SLC22A17: variants seen among roughly 807,000 people sequenced by gnomAD.
SLC22A17 encodes the protein 24p3 receptor.
A neutral mutation model predicts 53.6 loss-of-function variants in SLC22A17; 38 were observed. That is an observed-to-expected ratio of 0.71 (90% CI 0.55 to 0.93). The LOEUF is 0.93. Ranked by LOEUF, SLC22A17 falls within the 40% of genes least tolerant of loss-of-function variation. SLC22A17 has a pLI of 0.00. For synonymous variants in SLC22A17, 379 were observed against 353.0 expected (o/e 1.07, Z -0.82); for missense variants, 704 against 791.0 (o/e 0.89, Z 1.32).
chr14:23,347,862 T>G lies in SLC22A17; in HGVS notation c.1277+29A>C, dbSNP rs369755174. The G allele has an allele frequency of 3.2e-5, 52 of 1,613,400 alleles. No homozygotes were observed. Among genetic ancestry groups the G allele is most frequent in the Non-Finnish European group, 4.2e-5 (50 of 1,179,494 alleles). On this transcript the variant is annotated intron_variant, in intron 7 of 9. Coordinates refer to ENST00000397267, the Ensembl canonical transcript of SLC22A17. The surrounding 1 kb of genome is among the most constrained non-coding windows in gnomAD (Gnocchi z 5.1). ...CCAGCCCCCATTCCAGCTACTGGCC[T>G]GGCCCTCAGCCCAGACACCCAGGCT... is the stretch of plus-strand genomic sequence containing the variant.
Position 23,347,174 on chromosome 14 carries a change from C to A in SLC22A17, c.1588G>T (p.Gly530Trp). Residue 530 changes from glycine (G) to tryptophan (W), a missense_variant, in exon 9 of 10, where the codon GGG (glycine) becomes TGG (tryptophan). Physicochemically the swap from Gly to Trp is radical, Grantham distance 184. Around this residue, in one of 4 missense-constraint regions of SLC22A17, gnomAD observed 196 missense variants for 171.5 expected, o/e 1.14. Coordinates refer to ENST00000397267, the Ensembl canonical transcript of SLC22A17. This position sits in a 1 kb window ranked among gnomAD's most constrained non-coding sequence, Gnocchi z 5.1. ...GCGGCAGCTTGGGAGGAGAAGAGCC[C>A]AAGGACAGAGAAAGTGGTGATGGCA... The A allele has an allele frequency of 6.2e-7, 1 of 1,613,908 alleles. No homozygotes were observed. The highest frequency in any genetic ancestry group is 8.5e-7 in the Non-Finnish European group (1 of 1,179,948).
rs2138516019 is a variant in SLC22A17 at position 23,349,433 on chromosome 14, A to G, written c.705-7T>C. ...AATCCCGCGACGGCCAAATCTAGAA[A>G]GTGGGAAGGGCTTCTGGTCACCCAG... On this transcript the variant is annotated splice_region_variant and splice_polypyrimidine_tract_variant and intron_variant, in intron 3 of 9. Transcript: ENST00000397267. 6.2e-7 allele frequency: 1 copy of G among 1,610,040 alleles called. No homozygotes were observed. Among genetic ancestry groups the G allele is most frequent in the South Asian group, 1.1e-5 (1 of 90,742 alleles).
Position 23,348,019 on chromosome 14 carries a change from G to A in SLC22A17, c.1172-23C>T. ...GGTCTTTGGGAGAGAGAGAGGAGCT[G>A]TCAGAAGAAAACCCTGAGATCCCAG... is the stretch of plus-strand genomic sequence containing the variant. On this transcript the variant is annotated intron_variant, in intron 6 of 9. Transcript: ENST00000397267. The surrounding 1 kb of genome is among the most constrained non-coding windows in gnomAD (Gnocchi z 4.5). 1.2e-5 allele frequency: 19 copies of A among 1,613,000 alleles called. No individual in the cohort carries two copies. Among genetic ancestry groups the A allele is most frequent in the Non-Finnish European group, 1.6e-5 (19 of 1,179,148 alleles).
intron 4 of SLC22A17, 84 bp downstream of exon 4, chr14:23,349,188 C>G: frequency 6.4e-7 from 1 of 1,565,860 alleles, no homozygotes; most frequent in East Asian, 2.2e-5. Flanking sequence ...GAAATGTGGC[C>G]TAGGGGGCAG....
In SLC22A17 at chr14:23,347,970, C is replaced by T. The variant is rs1424932484; in HGVS notation, c.1198G>A (p.Ala400Thr). The change falls in exon 7 of 10, where the codon GCA (alanine) becomes ACA (threonine). Residue 400 changes from alanine (A) to threonine (T), a missense_variant. By Grantham distance (58) the Ala-to-Thr change is moderately conservative. Transcript: ENST00000397267. This position sits in a 1 kb window ranked among gnomAD's most constrained non-coding sequence, Gnocchi z 5.1. ...GAAGCAAAGGAAAAGGAGGATGTTG[C>T]AGGGAGAGGGCAGGTATTCTCCAGG... The T allele has an allele frequency of 6.2e-7, 1 of 1,614,124 alleles. No homozygotes were observed. The highest frequency in any genetic ancestry group is 8.5e-7 in the Non-Finnish European group (1 of 1,180,004).
At chr14:23,351,066 A>G (rs1045977231) in intron 3 of SLC22A17, 1 of 152,102 alleles carries the variant, frequency 6.6e-6, no homozygotes, top group African/African-American at 2.4e-5. Flanking sequence ...CTGTGGGAAG[A>G]GTTATTGGTT....
In SLC22A17 at chr14:23,348,916, T is replaced by C. The variant is rs756401253; in HGVS notation, c.860-245A>G. The C allele has an allele frequency of 8.4e-6, 5 of 597,830 alleles. No homozygotes were observed. The highest frequency in any genetic ancestry group is 1.9e-5 in the African/African-American group (1 of 53,816). The allele number at this position is 597,830 out of a possible 1,614,324, so 37.0% of individuals were successfully genotyped here. A position where few individuals can be genotyped will look rare whatever the true frequency, so the allele number is the denominator to read the frequency against. On this transcript the variant is annotated intron_variant, in intron 4 of 9. Coordinates refer to ENST00000397267, the Ensembl canonical transcript of SLC22A17. The surrounding 1 kb of genome is among the most constrained non-coding windows in gnomAD (Gnocchi z 4.5). The stretch of plus-strand genomic sequence containing the variant: ...CAGAGTCCTGGGTGAGTGTTCAACA[T>C]TTCCAATTTATAGGCCCTTTCCCAT...
At position 23,352,550 on chromosome 14, in the gene SLC22A17, G is replaced by C. The variant is rs1889708760; in HGVS notation, c.96+96C>G. 4.7e-6 allele frequency: 2 copies of C among 425,930 alleles called. No individual in the cohort carries two copies. Among genetic ancestry groups the C allele is most frequent in the African/African-American group, 2.1e-5 (1 of 48,738 alleles). The allele number at this position is 425,930 out of a possible 1,614,324, so 26.4% of individuals were successfully genotyped here. ...GGAGGGAGGGCTAGGAAGGCAGTCA[G>C]GGGCGAGGGATGCGCAGGAGGAAAA... is the stretch of plus-strand genomic sequence containing the variant. On this transcript the variant is annotated intron_variant, in intron 1 of 9. Transcript: ENST00000397267. The surrounding 1 kb of genome is among the most constrained non-coding windows in gnomAD (Gnocchi z 7.2).
rs576830410 is a variant in SLC22A17, at chr14:23,352,473, CAGG to C, written c.97-25_97-23del. 445 of 436,142 alleles carry C rather than the reference CAGG, an allele frequency of 1.0e-3. 2 individuals carry two copies. Among genetic ancestry groups the C allele is most frequent in the African/African-American group, 7.1e-3 (346 of 48,902 alleles). The allele number at this position is 436,142 out of a possible 1,614,324, so 27.0% of individuals were successfully genotyped here. On this transcript the variant is annotated intron_variant, in intron 1 of 9. Coordinates refer to ENST00000397267, the Ensembl canonical transcript of SLC22A17. This position sits in a 1 kb window ranked among gnomAD's most constrained non-coding sequence, Gnocchi z 7.2. Reference sequence around the variant, plus strand: ...CCTGCTGTTGGGGGGCAGGGGGTGGCAGGAGAAGGGTGAAGCGGAGGAAACCGC... The same window carrying C: ...CCTGCTGTTGGGGGGCAGGGGGTGGCAGAAGGGTGAAGCGGAGGAAACCGC...
chr14:23,351,653 A>G (rs1252186101), intron 3 of SLC22A17, 99 bp downstream of exon 3: 4 of 920,578 alleles, frequency 4.3e-6, no homozygotes, highest in Admixed American at 2.6e-5. Context: ...TGCAGAGTCC[A>G]GCGAATCGTC....
At position 23,347,871 on chromosome 14, in the gene SLC22A17, G is replaced by C. The variant is rs760048014; in HGVS notation, c.1277+20C>G. ...ATTCCAGCTACTGGCCTGGCCCTCA[G>C]CCCAGACACCCAGGCTCACTTGGTG... On this transcript the variant is annotated intron_variant, in intron 7 of 9. Transcript: ENST00000397267. This position sits in a 1 kb window ranked among gnomAD's most constrained non-coding sequence, Gnocchi z 5.1. The C allele has an allele frequency of 3.1e-6, 5 of 1,613,886 alleles. No homozygotes were observed. The highest frequency in any genetic ancestry group is 4.2e-6 in the Non-Finnish European group (5 of 1,179,774).
chr14:23,349,202 G>A (rs1294985009), intron 4 of SLC22A17, 70 bp downstream of exon 4: 13 of 1,593,304 alleles, frequency 8.2e-6, no homozygotes, highest in Non-Finnish European at 1.1e-5. Context: ...GGGGCAGTGA[G>A]GATGGCCTGG....
At chr14:23,350,031 C>A (rs1035209954) in intron 3 of SLC22A17, among the ~76,000 whole-genome samples, 1 of 152,096 alleles carries the variant, frequency 6.6e-6, no homozygotes, top group Non-Finnish European at 1.5e-5. Flanking sequence ...TCAGGCTGGG[C>A]GCAGTGGCTC....
chr14:23,351,497 G>A, intron 3 of SLC22A17: 1 of 445,994 alleles, frequency 2.2e-6, no homozygotes, highest in Non-Finnish European at 4.0e-6. Context: ...TTCACGGATA[G>A]GGGGCCACTA....
chr14:23,347,656 G>A lies in SLC22A17; in HGVS notation c.1353C>T (p.Cys451=). The change falls in exon 8 of 10, where the codon TGC becomes TGT. Residue 451 remains cysteine, a synonymous_variant. Coordinates refer to ENST00000397267, the Ensembl canonical transcript of SLC22A17. The surrounding 1 kb of genome is among the most constrained non-coding windows in gnomAD (Gnocchi z 5.1). ...CTGCGGTGCCGCTGGCCAGCAGAGA[G>A]CACAGGTAGAAGTCCGATGGGCTCC... 2 of 1,614,048 alleles carry A rather than the reference G, an allele frequency of 1.2e-6. No individual in the cohort carries two copies. Among genetic ancestry groups the A allele is most frequent in the African/African-American group, 1.3e-5 (1 of 75,040 alleles).
At chr14:23,351,886 G>A (rs1474342924) in intron 2 of SLC22A17, 31 bp from the exon 3 acceptor site, 1 of 1,611,636 alleles carries the variant, frequency 6.2e-7, no homozygotes, top group Non-Finnish European at 8.5e-7. Flanking sequence ...CAGCGGGCGT[G>A]AGGCCCCGCC....
chr14:23,351,709 A>AC, intron 3 of SLC22A17, 43 bp downstream of exon 3: 16 of 1,560,360 alleles, frequency 1.0e-5, no homozygotes, highest in Non-Finnish European at 1.4e-5. Context: ...CTTCCCTAGC[A>AC]CCCCCTCCTT....
rs1393300400 is a variant in SLC22A17, at chr14:23,352,871, G to A, written c.-130C>T. The A allele has an allele frequency of 5.0e-6, 2 of 397,222 alleles. No individual in the cohort carries two copies. Among genetic ancestry groups the A allele is most frequent in the East Asian group, 3.6e-5 (1 of 28,002 alleles). 24.6% of individuals were successfully genotyped at this position (397,222 alleles called of 1,614,324 possible). ...GCTCTGCAGCTCTGCAGCCGCGGGC[G>A]CCTCCTTGGTCTCTGCGATCTCTGC... On this transcript the variant is annotated 5_prime_UTR_variant, in exon 1 of 10. Transcript: ENST00000397267. The surrounding 1 kb of genome is among the most constrained non-coding windows in gnomAD (Gnocchi z 7.2).
In SLC22A17 at chr14:23,352,382, CCTCCCGCTCGCG is replaced by C. The variant is rs1321716555; in HGVS notation, c.154_165del (p.Arg52_Glu55del). ...CCGTCGCCGCCCGCGTCTCCCTCCCCCTCCCGCTCGCGCTCCCGCTCACCCTGCAGCTGCTCC... is the reference window on the plus strand; with the variant it reads ...CCGTCGCCGCCCGCGTCTCCCTCCCCCTCCCGCTCACCCTGCAGCTGCTCC... On this transcript the variant is annotated inframe_deletion, in exon 2 of 10. Transcript: ENST00000397267. This position sits in a 1 kb window ranked among gnomAD's most constrained non-coding sequence, Gnocchi z 7.2. The C allele has an allele frequency of 1.0e-5, 7 of 702,216 alleles. No individual in the cohort carries two copies. The highest frequency in any genetic ancestry group is 1.9e-5 in the African/African-American group (1 of 52,680). 43.5% of individuals were successfully genotyped at this position (702,216 alleles called of 1,614,324 possible).
Sources: allele counts gnomAD v4.1 joint callset (sites outside exome capture counted in the v4.1 genomes callset), GRCh38; gene constraint gnomAD v4.1.1; regional missense constraint gnomAD v4.1.1; non-coding constraint Gnocchi (gnomAD v3.1); transcripts MANE v1.5; gene names NCBI Gene and HGNC (gene_info 2026-07-23, HGNC 2026-07-21).